Variants in LRRIQ1 observed in about 807,000 individuals in gnomAD.
LRRIQ1 encodes leucine-rich repeat- and IQ domain-containing protein 1.
LRRIQ1 carries 210 observed loss-of-function variants against 211.9 expected under a neutral mutation model. That is an observed-to-expected ratio of 0.99 (90% confidence interval 0.89 to 1.11). LRRIQ1 has a LOEUF of 1.11. Ranked by LOEUF, LRRIQ1 falls within the 50% of genes most tolerant of loss-of-function variation. The pLI is 0.00. For missense variants in LRRIQ1, 2,136 were observed against 1,939.5 expected, an observed-to-expected ratio of 1.10 and a Z score of -1.90; for synonymous variants, 699 against 650.1, an observed-to-expected ratio of 1.08 and a Z score of -1.14.
chr12:85,133,497 C>T (rs1178555312), intron 18 of LRRIQ1, among the ~76,000 whole-genome samples: 2 of 152,214 alleles, frequency 1.3e-5, no homozygotes, highest in East Asian at 3.9e-4. Flanking sequence ...CAATATATTT[C>T]TTACTTCTCC....
At chr12:85,147,779 C>T (rs1310120206) in intron 19 of LRRIQ1, among the ~76,000 whole-genome samples, 12 of 150,850 alleles carry the variant, frequency 8.0e-5, no homozygotes, top group African/African-American at 2.9e-4. Flanking sequence ...TTTCTTTTTA[C>T]AAGTGAAACC....
At chr12:85,185,398 C>G (rs1565890020) in intron 24 of LRRIQ1, among the ~76,000 whole-genome samples, 1 of 151,722 alleles carries the variant, frequency 6.6e-6, no homozygotes, top group Non-Finnish European at 1.5e-5. Context: ...AAACATCAAA[C>G]TCTTGATTTG....
chr12:85,197,913 T>C (rs1893024291), intron 24 of LRRIQ1, among the ~76,000 whole-genome samples: 1 of 120,892 alleles, frequency 8.3e-6, no homozygotes, highest in Admixed American at 1.0e-4. Context: ...AAATATATAA[T>C]AAAAATATAT....
downstream of LRRIQ1, among the ~76,000 whole-genome samples, chr12:85,264,708 T>G (rs1036935790): frequency 1.3e-5 from 2 of 152,060 alleles, no homozygotes; most frequent in Non-Finnish European, 2.9e-5. Flanking sequence ...TTTTTAAGAT[T>G]CAGGGAGGTA....
intron 24 of LRRIQ1, among the ~76,000 whole-genome samples, chr12:85,218,022 A>C (rs1894237236): frequency 6.6e-6 from 1 of 151,922 alleles, no homozygotes; most frequent in Admixed American, 6.6e-5. Context: ...ACAGGAGAGA[A>C]TCATGTCAAT....
At chr12:85,098,790 G>A (rs1886118829) in intron 12 of LRRIQ1, 77 bp from the exon 13 acceptor site, 2 of 1,079,906 alleles carry the variant, frequency 1.9e-6, no homozygotes, top group Non-Finnish European at 2.6e-6. Flanking sequence ...AGTTTTGGAA[G>A]GTTGTGTATT....
At chr12:85,201,603 T>A (rs1032283872) in intron 24 of LRRIQ1, among the ~76,000 whole-genome samples, 1 of 152,138 alleles carries the variant, frequency 6.6e-6, no homozygotes, top group Non-Finnish European at 1.5e-5. Flanking sequence ...CTCTGAAGGT[T>A]TTTTGTATTT....
chr12:85,096,743 T>G (rs1885912451), intron 11 of LRRIQ1, among the ~76,000 whole-genome samples: 1 of 152,194 alleles, frequency 6.6e-6, no homozygotes, highest in Admixed American at 6.5e-5. Context: ...ATGATCTGTC[T>G]AATGCTATCC....
At chr12:85,110,794 T>C (rs904128394) in intron 15 of LRRIQ1, among the ~76,000 whole-genome samples, 1 of 151,874 alleles carries the variant, frequency 6.6e-6, no homozygotes, top group African/African-American at 2.4e-5. Context: ...AGCTAGACTC[T>C]GTTTGAAGCT....
chr12:85,068,311 T>C (rs1406129055), intron 10 of LRRIQ1, among the ~76,000 whole-genome samples: 1 of 149,504 alleles, frequency 6.7e-6, no homozygotes, highest in African/African-American at 2.5e-5. Context: ...GATAGAGGAA[T>C]AGAAATAAGC....
intron 19 of LRRIQ1, among the ~76,000 whole-genome samples, chr12:85,145,321 G>T (rs920937929): frequency 1.3e-5 from 2 of 151,604 alleles, no homozygotes; most frequent in Non-Finnish European, 3.0e-5. Flanking sequence ...CAAAAGCCTA[G>T]ATCAACTGTC....
intron 1 of LRRIQ1, among the ~76,000 whole-genome samples, chr12:85,259,096 A>G (rs928146768): frequency 6.6e-6 from 1 of 152,076 alleles, no homozygotes; most frequent in Admixed American, 6.6e-5. Context: ...ATAATCATCA[A>G]GACATAGTTT....
At chr12:85,037,496 T>G (rs1878282640) in intron 1 of LRRIQ1, among the ~76,000 whole-genome samples, 1 of 152,160 alleles carries the variant, frequency 6.6e-6, no homozygotes, top group South Asian at 2.1e-4. Context: ...GTTTTTCTTT[T>G]CTTTTCTTTC....
At chr12:85,118,439 A>G (rs981845657) in intron 15 of LRRIQ1, among the ~76,000 whole-genome samples, 1 of 149,838 alleles carries the variant, frequency 6.7e-6, no homozygotes, top group African/African-American at 2.4e-5. Context: ...GTTTTCTTTC[A>G]GGGGAGGGAG....
At chr12:85,250,689 A>C (rs1455492023) in intron 1 of LRRIQ1, among the ~76,000 whole-genome samples, 1 of 147,140 alleles carries the variant, frequency 6.8e-6, no homozygotes, top group Non-Finnish European at 1.5e-5. Context: ...TCAGTTAACT[A>C]TAATCACACC....
In LRRIQ1 at chr12:85,047,354, ACT is replaced by A. The variant is rs759154207; in HGVS notation, c.566_567del (p.Leu189GlnfsTer6). ...QKELEDKEKQTLKAQRDREEK... is the reference protein window; with the variant it reads ...QKELEDKEKQXLKAQRDREEK... ...GGAATTAGAAGATAAAGAGAAACAA[ACT>A]CTCAAAGCTCAGAGGGATAGAGAAG... is the stretch of plus-strand genomic sequence containing the variant. On this transcript the variant is annotated frameshift_variant, in exon 6 of 27. Transcript: ENST00000393217. LOFTEE classifies it high-confidence loss of function. 3.5e-5 allele frequency: 56 copies of A among 1,608,572 alleles called. No individual in the cohort carries two copies. Among genetic ancestry groups the A allele is most frequent in the African/African-American group, 1.1e-4 (8 of 74,812 alleles).
At chr12:85,091,967 T>A (rs1885438988) in intron 11 of LRRIQ1, among the ~76,000 whole-genome samples, 1 of 152,164 alleles carries the variant, frequency 6.6e-6, no homozygotes, top group Non-Finnish European at 1.5e-5. Flanking sequence ...AATGGCTCAC[T>A]GCTGTTTGCA....
At chr12:85,189,706 T>G (rs1892396354) in intron 24 of LRRIQ1, among the ~76,000 whole-genome samples, 1 of 149,986 alleles carries the variant, frequency 6.7e-6, no homozygotes, top group South Asian at 2.1e-4. Flanking sequence ...AACCTACATA[T>G]GGTACTAGAT....
At chr12:85,090,000 G>A (rs146433991) in intron 11 of LRRIQ1, among the ~76,000 whole-genome samples, 128 of 152,320 alleles carry the variant, frequency 8.4e-4, no homozygotes, top group African/African-American at 1.2e-3. Context: ...GAGGCCAAGG[G>A]CCCCACTGCC....
Sources: allele counts gnomAD v4.1 joint callset (sites outside exome capture counted in the v4.1 genomes callset), GRCh38; gene constraint gnomAD v4.1.1; transcripts MANE v1.5; gene names NCBI Gene and HGNC (gene_info 2026-07-23, HGNC 2026-07-21).